The following NR3C2 variants were observed in gnomAD, a reference collection of about 807,000 sequenced individuals.
NR3C2 encodes mineralocorticoid receptor.
NR3C2 carries 15 observed loss-of-function variants against 86.4 expected under a neutral mutation model. That is an observed-to-expected ratio of 0.17 (90% CI 0.12 to 0.27). The LOEUF (loss-of-function observed/expected upper bound fraction) is 0.27. Among genes scored for constraint, NR3C2 ranks in the 10% least tolerant of loss-of-function variants. The pLI is 1.00. For missense variants in NR3C2, 960 were observed against 1,195.6 expected, an observed-to-expected ratio of 0.80 and a Z score of 2.91; for synonymous variants, 458 against 450.5, an observed-to-expected ratio of 1.02 and a Z score of -0.21.
At chr4:148,195,742 T>C (rs929191335) in intron 3 of NR3C2, among the ~76,000 whole-genome samples, 3 of 151,894 alleles carry the variant, frequency 2.0e-5, no homozygotes, top group Non-Finnish European at 4.4e-5. Context: ...GAAAAGCAAA[T>C]GTGGTAGAGA....
chr4:148,326,410 A>C (rs1180665262), intron 2 of NR3C2, among the ~76,000 whole-genome samples: 1 of 151,572 alleles, frequency 6.6e-6, no homozygotes, highest in African/African-American at 2.4e-5. Flanking sequence ...CAAATAAATA[A>C]ATAAATAAAT....
rs189353131 is a variant in NR3C2 at position 148,424,891 on chromosome 4, G to A, written c.1757+10213C>T. On this transcript the variant is annotated intron_variant, in intron 2 of 8. Coordinates refer to ENST00000358102, the MANE Select transcript of NR3C2 (RefSeq NM_000901.5). ...CATGTAGAACTGAACACCAAAAAGA[G>A]TGAATTTTATAGTAAGAATTAAAAA... Among the ~76,000 whole-genome samples the A allele has an allele frequency of 5.3e-5, 8 of 152,260 alleles. No homozygotes were observed. The East Asian group carries it at 1.5e-3, about 29-fold the overall frequency.
At chr4:148,401,492 C>A (rs545056313) in intron 2 of NR3C2, among the ~76,000 whole-genome samples, 10 of 120,668 alleles carry the variant, frequency 8.3e-5, no homozygotes, top group African/African-American at 3.1e-4. Context: ...GAGACAGAGT[C>A]TTGCTCTGTT....
At chr4:148,336,180 ACGGGTGG>A (rs1744478341) in intron 2 of NR3C2, among the ~76,000 whole-genome samples, 1 of 152,154 alleles carries the variant, frequency 6.6e-6, no homozygotes, top group Admixed American at 6.5e-5. Flanking sequence ...AAGTGTTCCT[ACGGGTGG>A]CAAGGGAAGC....
chr4:148,398,054 G>T (rs1365603168), intron 2 of NR3C2, among the ~76,000 whole-genome samples: 2 of 152,042 alleles, frequency 1.3e-5, no homozygotes, highest in Non-Finnish European at 2.9e-5. Flanking sequence ...TTGTCATATG[G>T]TTTCCCCTGT....
At chr4:148,422,770 T>C (rs1749343106) in intron 2 of NR3C2, among the ~76,000 whole-genome samples, 1 of 152,194 alleles carries the variant, frequency 6.6e-6, no homozygotes, top group African/African-American at 2.4e-5. Flanking sequence ...CTGTTTCCAT[T>C]TCCTGGGGGT....
chr4:148,253,402 A>C (rs1408203731), intron 3 of NR3C2, among the ~76,000 whole-genome samples: 1 of 152,178 alleles, frequency 6.6e-6, no homozygotes, highest in Non-Finnish European at 1.5e-5. Flanking sequence ...AAAGTAACTA[A>C]GACTTTTCTG....
intron 2 of NR3C2, among the ~76,000 whole-genome samples, chr4:148,319,796 C>A (rs1275771818): frequency 6.7e-6 from 1 of 149,422 alleles, no homozygotes; most frequent in Non-Finnish European, 1.5e-5. Context: ...ATGGGTTTTT[C>A]TAGATATACA....
chr4:148,321,580 T>C (rs1743594879), intron 2 of NR3C2, among the ~76,000 whole-genome samples: 1 of 152,186 alleles, frequency 6.6e-6, no homozygotes, highest in African/African-American at 2.4e-5. Context: ...GGTGCATATA[T>C]ATTTAGGATA....
intron 2 of NR3C2, among the ~76,000 whole-genome samples, chr4:148,335,879 GA>G (rs1200991591): frequency 6.6e-6 from 1 of 151,890 alleles, no homozygotes; most frequent in Non-Finnish European, 1.5e-5. Context: ...AGAAAACAAT[GA>G]AAAAAACAGT....
rs5529 is a variant in NR3C2, at chr4:148,435,148, A to G, written c.1713T>C (p.Ser571=). The G allele has an allele frequency of 0.015, 24,536 of 1,614,098 alleles. 2,677 individuals carry two copies. The African/African-American group carries it at 0.26, about 17-fold the overall frequency. ...TGTATTCTAAGACCGGATACCCATC[A>G]CTTCTTCTAGACGACAGGTCGCCGT... is the stretch of plus-strand genomic sequence containing the variant. The part of the protein sequence containing the change: ...KSHGDLSSRR[S]DGYPVLEYIP... The change falls in exon 2 of 9, where the codon AGT becomes AGC. Residue 571 remains serine, a synonymous_variant. Coordinates refer to ENST00000358102, the MANE Select transcript of NR3C2 (RefSeq NM_000901.5).
chr4:148,250,172 CA>C (rs1252910371), intron 3 of NR3C2, among the ~76,000 whole-genome samples: 3 of 151,910 alleles, frequency 2.0e-5, no homozygotes, highest in Non-Finnish European at 4.4e-5. Flanking sequence ...TCCTATCTAA[CA>C]AGTCAAGAAG....
intron 2 of NR3C2, among the ~76,000 whole-genome samples, chr4:148,368,841 G>C (rs920975880): frequency 5.3e-5 from 8 of 152,282 alleles, no homozygotes; most frequent in Admixed American, 4.6e-4. Context: ...TGCTCTGTTT[G>C]GTCCAGCATG....
chr4:148,279,900 T>C (rs1184528693), intron 2 of NR3C2, among the ~76,000 whole-genome samples: 1 of 152,078 alleles, frequency 6.6e-6, no homozygotes, highest in African/African-American at 2.4e-5. Context: ...TAATTTTGTA[T>C]TTTTAGTAGA....
intron 3 of NR3C2, among the ~76,000 whole-genome samples, chr4:148,227,366 C>A (rs1738229323): frequency 6.6e-6 from 1 of 152,154 alleles, no homozygotes; most frequent in Admixed American, 6.6e-5. Flanking sequence ...CCAGGTGGTA[C>A]ATGATATTGA....
chr4:148,436,647 G>A lies in NR3C2; in HGVS notation c.214C>T (p.Pro72Ser), dbSNP rs761982133. ...GSSKEKQELL[P>S]CLQQDNNRPG... is the part of the protein sequence containing the mutation. Reference sequence around the variant, plus strand: ...CGATTATTGTCTTGCTGAAGGCAAGGGAGTAGTTCTTGTTTTTCTTTGCTG... The same window carrying A: ...CGATTATTGTCTTGCTGAAGGCAAGAGAGTAGTTCTTGTTTTTCTTTGCTG... Residue 72 changes from proline (P) to serine (S), a missense_variant, in exon 2 of 9, where the codon CCT becomes TCT. Physicochemically the swap from Pro to Ser is moderately conservative, Grantham distance 74. Transcript: ENST00000358102. 1.2e-6 allele frequency: 2 copies of A among 1,614,168 alleles called. No individual in the cohort carries two copies. The highest frequency in any genetic ancestry group is 3.3e-5 in the Admixed American group (2 of 60,014).
intron 2 of NR3C2, among the ~76,000 whole-genome samples, chr4:148,311,997 G>A (rs577119628): frequency 6.6e-6 from 1 of 152,278 alleles, no homozygotes; most frequent in South Asian, 2.1e-4. Flanking sequence ...CTCATGCATG[G>A]GCATGCATGC....
chr4:148,302,533 T>C (rs1742392316), intron 2 of NR3C2, among the ~76,000 whole-genome samples: 1 of 152,184 alleles, frequency 6.6e-6, no homozygotes, highest in African/African-American at 2.4e-5. Context: ...AAGAATCCAT[T>C]TTCTTTTGCA....
chr4:148,284,192 A>G (rs1456630715), intron 2 of NR3C2, among the ~76,000 whole-genome samples: 10 of 152,224 alleles, frequency 6.6e-5, no homozygotes, highest in African/African-American at 1.4e-4. Flanking sequence ...TTTAGAGTAG[A>G]GCCTTATGTA....
Sources: gnomAD v4.1 joint callset for allele counts (sites outside exome capture counted in the v4.1 genomes callset) on GRCh38, gnomAD v4.1.1 for gene constraint, MANE v1.5 for transcripts, NCBI Gene and HGNC (gene_info 2026-07-23, HGNC 2026-07-21) for gene names.